The following PNLDC1 variants were observed in gnomAD, a reference collection of about 807,000 sequenced individuals.
PNLDC1 encodes PARN like ribonuclease domain containing exonuclease 1.
A neutral mutation model predicts 82.0 loss-of-function variants in PNLDC1; 70 were observed. That is an observed-to-expected ratio of 0.85 (90% CI 0.70 to 1.04). The LOEUF (loss-of-function observed/expected upper bound fraction) is 1.04. Ranked by LOEUF, PNLDC1 falls within the 50% of genes least tolerant of loss-of-function variation. The pLI is 0.00. For missense variants in PNLDC1, 631 were observed against 661.1 expected (o/e 0.95, Z 0.50); for synonymous variants, 280 against 249.3 (o/e 1.12, Z -1.16).
intron 12 of PNLDC1, among the ~76,000 whole-genome samples, chr6:159,815,130 C>A (rs1781771250): frequency 6.6e-6 from 1 of 152,240 alleles, no homozygotes. Flanking sequence ...GAGTTGCTCA[C>A]ATCTGTTGAG....
intron 15 of PNLDC1, among the ~76,000 whole-genome samples, chr6:159,818,102 C>T (rs1351130107): frequency 1.3e-5 from 2 of 152,160 alleles, no homozygotes; most frequent in Non-Finnish European, 2.9e-5. Context: ...CTGTGTGGCC[C>T]GTGGTTTTGC....
chr6:159,810,898 C>T (rs1332471948), intron 10 of PNLDC1, among the ~76,000 whole-genome samples: 1 of 152,198 alleles, frequency 6.6e-6, no homozygotes, highest in Non-Finnish European at 1.5e-5. Context: ...AATACACATT[C>T]ACCAAAAAAC....
chr6:159,808,068 C>A (rs1781512018), intron 7 of PNLDC1, among the ~76,000 whole-genome samples: 1 of 152,158 alleles, frequency 6.6e-6, no homozygotes, highest in Non-Finnish European at 1.5e-5. Context: ...CATCTGCCAC[C>A]ATGCCTGGCT....
chr6:159,808,841 A>G, intron 8 of PNLDC1, 25 bp downstream of exon 8: 1 of 1,612,096 alleles, frequency 6.2e-7, no homozygotes, highest in Non-Finnish European at 8.5e-7. Flanking sequence ...CGAACGGGGC[A>G]TCAGTGGCTC....
At chr6:159,820,301 C>T (rs545864355) in intron 18 of PNLDC1, among the ~76,000 whole-genome samples, 153 bp from the exon 19 acceptor site, 1 of 152,244 alleles carries the variant, frequency 6.6e-6, no homozygotes, top group South Asian at 2.1e-4. Flanking sequence ...AGCCTAACCT[C>T]GAGAGGCAGA....
chr6:159,811,791 T>G lies in PNLDC1; in HGVS notation c.939+5T>G, dbSNP rs965774328. On this transcript the variant is annotated splice_donor_5th_base_variant and intron_variant, in intron 11 of 18. Coordinates refer to ENST00000392167, the MANE Select transcript of PNLDC1 (RefSeq NM_001271862.2). ...GTAACAAAGGATATCTGGAAGGTAA[T>G]GAATAGAACTGCTTTGGGTTAAGAA... The G allele has an allele frequency of 6.3e-7, 1 of 1,594,092 alleles. No homozygotes were observed. Among genetic ancestry groups the G allele is most frequent in the Non-Finnish European group, 8.6e-7 (1 of 1,162,080 alleles).
rs370603085 is a variant in PNLDC1 at position 159,816,523 on chromosome 6, C to G, written c.1061-20C>G. On this transcript the variant is annotated intron_variant, in intron 13 of 18. Transcript: ENST00000392167. ...TAATGACTGCTCAATTCTCTGTCCT[C>G]CTGGTGGAAAATGCCTCAGTTGAGA... 3.7e-6 allele frequency: 6 copies of G among 1,612,980 alleles called. No homozygotes were observed. In the Admixed American group the frequency reaches 1.0e-4, roughly 27 times the overall value.
At chr6:159,816,058 C>T in intron 13 of PNLDC1, 25 bp downstream of exon 13, 3 of 1,569,688 alleles carry the variant, frequency 1.9e-6, no homozygotes, top group Admixed American at 1.7e-5. Flanking sequence ...GCCCATAATC[C>T]TTGCACAGTC....
At chr6:159,803,840 G>T (rs995380444) in intron 4 of PNLDC1, 125 bp from the exon 5 acceptor site, 20 of 1,088,240 alleles carry the variant, frequency 1.8e-5, no homozygotes, top group Non-Finnish European at 2.5e-5. Context: ...CTGAAACACA[G>T]CAGACACTCG....
chr6:159,800,533 G>A (rs1781203658), intron 1 of PNLDC1, 150 bp downstream of exon 1: 4 of 1,307,720 alleles, frequency 3.1e-6, no homozygotes, highest in Admixed American at 4.6e-5. Context: ...GCCCCGGGGC[G>A]GTGGGACTTT....
At chr6:159,800,258 A>G (rs74861742), upstream of PNLDC1, 10 of 799,434 alleles carry the variant, frequency 1.3e-5, no homozygotes, top group East Asian at 6.5e-5. Flanking sequence ...CGTGGGCAGC[A>G]CGTGGGCAGC....
At chr6:159,802,805 A>G (rs1285755949) in intron 3 of PNLDC1, among the ~76,000 whole-genome samples, 1 of 151,980 alleles carries the variant, frequency 6.6e-6, no homozygotes, top group East Asian at 1.9e-4. Flanking sequence ...CTGGTCTCGA[A>G]TTCCTGACCT....
At chr6:159,807,597 G>A (rs1310777203) in intron 7 of PNLDC1, among the ~76,000 whole-genome samples, 1 of 152,178 alleles carries the variant, frequency 6.6e-6, no homozygotes, top group African/African-American at 2.4e-5. Flanking sequence ...GTAATAAAAT[G>A]TGCAAACATT....
chr6:159,806,636 C>T (rs553256128), intron 7 of PNLDC1, among the ~76,000 whole-genome samples: 11 of 152,186 alleles, frequency 7.2e-5, no homozygotes, highest in Admixed American at 6.5e-5. Context: ...AGCATCATAC[C>T]GTGTTCTTCA....
intron 6 of PNLDC1, 32 bp from the exon 7 acceptor site, chr6:159,805,951 T>A: frequency 6.5e-7 from 1 of 1,539,612 alleles, no homozygotes; most frequent in Non-Finnish European, 9.0e-7. Context: ...TGTTTTTCTC[T>A]GACATGTTCA....
At position 159,818,612 on chromosome 6, in the gene PNLDC1, C is replaced by CG. The variant is rs745957379; in HGVS notation, c.1216dup (p.Val406GlyfsTer47). The CG allele has an allele frequency of 6.2e-7, 1 of 1,613,900 alleles. No homozygotes were observed. The highest frequency in any genetic ancestry group is 1.7e-5 in the Admixed American group (1 of 60,024). On this transcript the variant is annotated frameshift_variant, in exon 16 of 19. Coordinates refer to ENST00000392167, the MANE Select transcript of PNLDC1 (RefSeq NM_001271862.2). LOFTEE classifies it high-confidence loss of function. ...AGTACCTTGACGTGCTGGCTCCTTA[C>CG]GTGAACCAAGTGAACCTCATCCGAG...
At chr6:159,806,128 T>C in intron 7 of PNLDC1, 45 bp downstream of exon 7, 1 of 1,451,952 alleles carries the variant, frequency 6.9e-7, no homozygotes, top group Middle Eastern at 1.8e-4. Flanking sequence ...TTGGGACAGG[T>C]CACTGTCACC....
In PNLDC1 at chr6:159,801,201, A is replaced by C; in HGVS notation, c.208+15A>C. On this transcript the variant is annotated intron_variant, in intron 3 of 18. Coordinates refer to ENST00000392167, the MANE Select transcript of PNLDC1 (RefSeq NM_001271862.2). ...CTGTCAGATTGGTGAGTTTAATATCAGCTGTTAGAGTTTTTCAAGAAGGTA... is the reference window on the plus strand; with the variant it reads ...CTGTCAGATTGGTGAGTTTAATATCCGCTGTTAGAGTTTTTCAAGAAGGTA... 1 of 1,607,858 alleles carries C rather than the reference A, an allele frequency of 6.2e-7. No homozygotes were observed.
At chr6:159,801,630 C>G (rs556920351) in intron 3 of PNLDC1, among the ~76,000 whole-genome samples, 27 of 152,116 alleles carry the variant, frequency 1.8e-4, no homozygotes, top group African/African-American at 6.3e-4. Context: ...ATTTTTTGTT[C>G]AGATGGGTTT....
Sources: gnomAD v4.1 joint callset for allele counts (sites outside exome capture counted in the v4.1 genomes callset) on GRCh38, gnomAD v4.1.1 for gene constraint, MANE v1.5 for transcripts, NCBI Gene and HGNC (gene_info 2026-07-23, HGNC 2026-07-21) for gene names.